CEP83: variants seen among roughly 807,000 people sequenced by gnomAD.
CEP83 encodes centrosomal protein of 83 kDa.
Under a neutral mutation model 101.9 loss-of-function variants are expected in CEP83, and 70 were observed. The observed-to-expected ratio is 0.69, with a 90% CI of 0.57 to 0.84. CEP83 has a LOEUF of 0.84. Among genes scored for constraint, CEP83 ranks in the 40% least tolerant of loss-of-function variants. CEP83 has a pLI of 0.00. For synonymous variants in CEP83, 264 were observed against 267.9 expected (o/e 0.99, Z 0.14); for missense variants, 715 against 787.2 (o/e 0.91, Z 1.10).
chr12:94,430,236 A>C (rs752365710), intron 2 of CEP83, among the ~76,000 whole-genome samples: 1 of 152,168 alleles, frequency 6.6e-6, no homozygotes, highest in Non-Finnish European at 1.5e-5. Context: ...ATACCTCCAA[A>C]GGAACATAAT....
At chr12:94,316,660 A>G (rs1250386508) in intron 14 of CEP83, among the ~76,000 whole-genome samples, 1 of 152,038 alleles carries the variant, frequency 6.6e-6, no homozygotes, top group Admixed American at 6.6e-5. Flanking sequence ...ACTTATGACA[A>G]TGAAAACATG....
At chr12:94,383,591 C>T (rs1188246620) in intron 6 of CEP83, among the ~76,000 whole-genome samples, 2 of 152,106 alleles carry the variant, frequency 1.3e-5, no homozygotes, top group Admixed American at 6.5e-5. Flanking sequence ...TAAAAATCTA[C>T]ACTGTAAATA....
At chr12:94,279,439 A>G in the CEP83 span, 1 of 1,583,818 alleles carries the variant, frequency 6.3e-7, no homozygotes, top group Non-Finnish European at 8.6e-7. Context: ...GCAATTATCT[A>G]ATAGACTTGG....
At chr12:94,423,017 G>A (rs750910885) in intron 2 of CEP83, among the ~76,000 whole-genome samples, 3 of 152,112 alleles carry the variant, frequency 2.0e-5, no homozygotes, top group Non-Finnish European at 4.4e-5. Flanking sequence ...TTAACTTTGT[G>A]TAAGAAACTG....
chr12:94,413,886 TGATA>T (rs2064087278), intron 2 of CEP83, among the ~76,000 whole-genome samples: 1 of 150,872 alleles, frequency 6.6e-6, no homozygotes, highest in Admixed American at 6.6e-5. Context: ...ATTTTTTTCC[TGATA>T]GAATCTTCCT....
At chr12:94,296,785 G>A in the CEP83 span, among the ~76,000 whole-genome samples, 1 of 152,138 alleles carries the variant, frequency 6.6e-6, no homozygotes, top group African/African-American at 2.4e-5. Flanking sequence ...TATAATAATT[G>A]TGTACCTAGA....
At chr12:94,310,242 T>C in intron 15 of CEP83, 135 bp from the exon 16 acceptor site, 1 of 367,372 alleles carries the variant, frequency 2.7e-6, no homozygotes, top group Non-Finnish European at 4.8e-6. Context: ...AAAAATCTGT[T>C]TACCTAGAAA....
chr12:94,309,867 A>G (rs1969569229), intron 16 of CEP83, 51 bp downstream of exon 16: 1 of 1,212,688 alleles, frequency 8.2e-7, no homozygotes, highest in Non-Finnish European at 1.1e-6. Context: ...AAACATAAAA[A>G]CCTACAAAAA....
chr12:94,277,378 A>G, the CEP83 span, among the ~76,000 whole-genome samples: 1 of 152,206 alleles, frequency 6.6e-6, no homozygotes, highest in Non-Finnish European at 1.5e-5. Context: ...TTCAGATCAT[A>G]GCAGCATTAA....
At position 94,399,833 on chromosome 12, in the gene CEP83, G is replaced by GT. The variant is rs531851224; in HGVS notation, c.549+1016dup. On this transcript the variant is annotated intron_variant, in intron 6 of 16. Coordinates refer to ENST00000397809, the MANE Select transcript of CEP83 (RefSeq NM_016122.3). ...ACTTAAAGCCTTAAAGCTATAAAGA[G>GT]TTTTTTTTAATGTGAAAAACTATTA... Among the ~76,000 whole-genome samples the GT allele has an allele frequency of 5.1e-4, 78 of 152,024 alleles. No individual in the cohort carries two copies. In the South Asian group the frequency reaches 0.015, roughly 29 times the overall value.
At chr12:94,382,440 T>C (rs1350727358) in intron 6 of CEP83, among the ~76,000 whole-genome samples, 1 of 151,732 alleles carries the variant, frequency 6.6e-6, no homozygotes, top group Non-Finnish European at 1.5e-5. Context: ...CATTACTGAC[T>C]TGTTCCCTCA....
intron 1 of CEP83, among the ~76,000 whole-genome samples, chr12:94,454,095 C>CAAA (rs200038665): frequency 1.0e-5 from 1 of 100,388 alleles, no homozygotes. Flanking sequence ...GACTATGTCT[C>CAAA]AAAAAAAAAA....
chr12:94,442,660 G>A (rs2066497970), intron 1 of CEP83, among the ~76,000 whole-genome samples: 1 of 151,858 alleles, frequency 6.6e-6, no homozygotes, highest in Admixed American at 6.6e-5. Context: ...TTGTTATAGG[G>A]GTCTCAGTCA....
chr12:94,436,657 C>T (rs181582086), intron 1 of CEP83, among the ~76,000 whole-genome samples: 14 of 151,914 alleles, frequency 9.2e-5, no homozygotes, highest in African/African-American at 3.4e-4. Flanking sequence ...ATGGTGAAAT[C>T]CCATCTCCAC....
intron 1 of CEP83, among the ~76,000 whole-genome samples, chr12:94,458,756 T>G (rs1323725030): frequency 6.6e-6 from 1 of 152,110 alleles, no homozygotes; most frequent in Non-Finnish European, 1.5e-5. Context: ...AAATAAAGCA[T>G]TCTAACAATT....
At position 94,411,841 on chromosome 12, in the gene CEP83, C is replaced by G. The variant is rs746440328; in HGVS notation, c.180G>C (p.Gln60His). 6.2e-7 allele frequency: 1 copy of G among 1,608,798 alleles called. No individual in the cohort carries two copies. Among genetic ancestry groups the G allele is most frequent in the South Asian group, 1.1e-5 (1 of 89,430 alleles). The change falls in exon 4 of 17, where the codon CAG becomes CAC. Residue 60 changes from glutamine (Q) to histidine (H), a missense_variant. Transcript: ENST00000397809. Reference protein sequence around the residue: ...QTLKAEHTRLQNEHVKLQNEL... With the variant: ...QTLKAEHTRLHNEHVKLQNEL... ...CATTTTGTAACTTTACATGTTCATT[C>G]TGCAACCTGGTTTTTTTTAAAGAGA...
At chr12:94,325,213 C>T (rs1688478776) in intron 14 of CEP83, among the ~76,000 whole-genome samples, 1 of 151,302 alleles carries the variant, frequency 6.6e-6, no homozygotes, top group Non-Finnish European at 1.5e-5. Context: ...GCTGTGCTGC[C>T]CAGGCTGGAA....
At chr12:94,395,223 A>T (rs2062811081) in intron 6 of CEP83, among the ~76,000 whole-genome samples, 1 of 152,098 alleles carries the variant, frequency 6.6e-6, no homozygotes, top group South Asian at 2.1e-4. Flanking sequence ...ATTAGGAGAA[A>T]TACCTAATGT....
chr12:94,343,070 CAT>C (rs2059756520), intron 11 of CEP83, among the ~76,000 whole-genome samples: 2 of 151,646 alleles, frequency 1.3e-5, no homozygotes, highest in African/African-American at 2.4e-5. Flanking sequence ...TGTACAGACA[CAT>C]ATGTGTGTAT....
Sources: allele counts gnomAD v4.1 joint callset (sites outside exome capture counted in the v4.1 genomes callset), GRCh38; gene constraint gnomAD v4.1.1; transcripts MANE v1.5; gene names NCBI Gene and HGNC (gene_info 2026-07-23, HGNC 2026-07-21).